Variants in NGLY1 observed in about 807,000 individuals in gnomAD.
NGLY1 encodes peptide-N(4)-(N-acetyl-beta-glucosaminyl)asparagine amidase.
In NGLY1, 68 loss-of-function variants were observed where a neutral mutation model predicts 84.6. The observed-to-expected ratio is 0.80, with a 90% CI of 0.66 to 0.98. The LOEUF is 0.98. NGLY1 is among the 50% of genes least tolerant of loss of function. The pLI is 0.00. For missense variants in NGLY1, 779 were observed against 770.2 expected, an observed-to-expected ratio of 1.01 and a Z score of -0.14; for synonymous variants, 280 against 275.2, an observed-to-expected ratio of 1.02 and a Z score of -0.17.
In NGLY1 at chr3:25,783,087, C is replaced by T. The variant is rs897061752; in HGVS notation, c.131+173G>A. 5.1e-6 allele frequency: 3 copies of T among 590,462 alleles called. No individual in the cohort carries two copies. Among genetic ancestry groups the T allele is most frequent in the Non-Finnish European group, 8.8e-6 (3 of 342,816 alleles). The allele number at this position is 590,462 out of a possible 1,614,324, so 36.6% of individuals were successfully genotyped here. A position where few individuals can be genotyped will look rare whatever the true frequency, so the allele number is the denominator to read the frequency against. On this transcript the variant is annotated intron_variant, in intron 1 of 11. Coordinates refer to ENST00000280700, the MANE Select transcript of NGLY1 (RefSeq NM_018297.4). The surrounding 1 kb of genome is among the most constrained non-coding windows in gnomAD (Gnocchi z 4.5). Reference sequence around the variant, plus strand: ...GCGGGGGTGGGACTTGGCCGGGTCCCGAGGCCCCTGGCCGGCGGGCTCGGA... The same window carrying T: ...GCGGGGGTGGGACTTGGCCGGGTCCTGAGGCCCCTGGCCGGCGGGCTCGGA...
In NGLY1 at chr3:25,719,646, G is replaced by GA. The variant is rs531889481; in HGVS notation, c.1790-12dup. 2,931 of 1,496,200 alleles carry GA rather than the reference G, an allele frequency of 2.0e-3. 2 individuals are homozygous for GA. The highest frequency in any genetic ancestry group is 6.5e-3 in the South Asian group (513 of 78,724). 92.7% of individuals were successfully genotyped at this position (1,496,200 alleles called of 1,614,324 possible). On this transcript the variant is annotated splice_polypyrimidine_tract_variant and intron_variant, in intron 11 of 11. Transcript: ENST00000280700. ...AGTGAAGACTGTTATCTGTTAGAGG[G>GA]AAAAAAAAAATTAACATTTTGCTTT...
In NGLY1 at chr3:25,760,720, C is replaced by A. The variant is rs533244547; in HGVS notation, c.492+3346G>T. ...ACTAAAAATACTAAAACTAGCCAGA[C>A]GTGGTGGCACATGCCTGTAATCCCA... On this transcript the variant is annotated intron_variant, in intron 3 of 11. Transcript: ENST00000280700. Among the ~76,000 whole-genome samples, 26 of 151,988 alleles carry A rather than the reference C, an allele frequency of 1.7e-4. No individual in the cohort carries two copies. In the East Asian group the frequency reaches 4.6e-3, roughly 27 times the overall value.
At chr3:25,722,472 C>T (rs555221617) in intron 10 of NGLY1, among the ~76,000 whole-genome samples, 1 of 152,172 alleles carries the variant, frequency 6.6e-6, no homozygotes, top group Non-Finnish European at 1.5e-5. Context: ...TTCTAATCAC[C>T]ATCTATTTGA....
chr3:25,754,958 G>A (rs1706961550), intron 3 of NGLY1: 8 of 743,672 alleles, frequency 1.1e-5, no homozygotes, highest in Non-Finnish European at 2.0e-5. Flanking sequence ...TCCCAAGAAC[G>A]CTCCTAGGGA....
chr3:25,786,341 C>T (rs374415935), upstream of NGLY1, among the ~76,000 whole-genome samples: 21 of 150,812 alleles, frequency 1.4e-4, no homozygotes, highest in African/African-American at 4.9e-4. Context: ...AAAAGAATAG[C>T]GCCATGATAT....
intron 10 of NGLY1, among the ~76,000 whole-genome samples, chr3:25,722,058 A>C (rs937423181): frequency 1.1e-4 from 16 of 151,818 alleles, no homozygotes; most frequent in African/African-American, 3.6e-4. Context: ...TCTCTACTAA[A>C]AATACCAAAA....
chr3:25,726,534 T>C (rs569795832), intron 10 of NGLY1, among the ~76,000 whole-genome samples: 1 of 152,080 alleles, frequency 6.6e-6, no homozygotes, highest in Non-Finnish European at 1.5e-5. Context: ...AAGAATAAAT[T>C]AATCAAAAAA....
At chr3:25,760,808 C>T (rs1214945014) in intron 3 of NGLY1, among the ~76,000 whole-genome samples, 1 of 117,108 alleles carries the variant, frequency 8.5e-6, no homozygotes. Context: ...TGCGGTGAGC[C>T]GAGATCACGC....
chr3:25,783,530 AGGGGCGGGGTCCTCGGCCGGCAGG>A, upstream of NGLY1: 1 of 367,684 alleles, frequency 2.7e-6, no homozygotes. The surrounding 1 kb of genome is among the most constrained non-coding windows in gnomAD (Gnocchi z 4.5). Flanking sequence ...CTCGGCCGGC[AGGGGCGGGGTCCTCGGCCGGCAGG>A]GGCGGGGTCC....
At position 25,741,858 on chromosome 3, in the gene NGLY1, G is replaced by A. The variant is rs187518543; in HGVS notation, c.659-2059C>T. On this transcript the variant is annotated intron_variant, in intron 4 of 11. Transcript: ENST00000280700. ...ATACAAAAGAAAAAAAAAATTAGCC[G>A]GGCGTGGTGGCAGGTACCTGTAATC... Among the ~76,000 whole-genome samples, 1,227 of 152,036 alleles carry A rather than the reference G, an allele frequency of 8.1e-3. 16 individuals are homozygous for A. The highest frequency in any genetic ancestry group is 0.028 in the African/African-American group (1,171 of 41,446).
chr3:25,733,539 T>G (rs1433847647), intron 8 of NGLY1, among the ~76,000 whole-genome samples: 1 of 151,186 alleles, frequency 6.6e-6, no homozygotes, highest in Non-Finnish European at 1.5e-5. Context: ...AATACATAAA[T>G]ATGAGTCTGT....
Position 25,783,417 on chromosome 3 carries a change from C to G in NGLY1, c.-27G>C. 6.6e-7 allele frequency: 1 copy of G among 1,519,592 alleles called. No individual in the cohort carries two copies. The highest frequency in any genetic ancestry group is 8.8e-7 in the Non-Finnish European group (1 of 1,134,958). 94.1% of individuals were successfully genotyped at this position (1,519,592 alleles called of 1,614,324 possible). A position where few individuals can be genotyped will look rare whatever the true frequency, so the allele number is the denominator to read the frequency against. On this transcript the variant is annotated 5_prime_UTR_variant, in exon 1 of 12. Coordinates refer to ENST00000280700, the MANE Select transcript of NGLY1 (RefSeq NM_018297.4). The surrounding 1 kb of genome is among the most constrained non-coding windows in gnomAD (Gnocchi z 4.5). Reference sequence around the variant, plus strand: ...CTTGAGCGCCAGCGGGCGCCGCCGCCGCCCCTCGCTCTCCGCGTCCCACAC... The same window carrying G: ...CTTGAGCGCCAGCGGGCGCCGCCGCGGCCCCTCGCTCTCCGCGTCCCACAC...
Position 25,783,151 on chromosome 3 carries a change from G to T in NGLY1, c.131+109C>A. On this transcript the variant is annotated intron_variant, in intron 1 of 11. Transcript: ENST00000280700. The surrounding 1 kb of genome is among the most constrained non-coding windows in gnomAD (Gnocchi z 4.5). ...ACCAGCTCCAGGTCCCGGTCTGTCC[G>T]GGCGTCGCTGCCCTCTGAAGCTCAG... The T allele has an allele frequency of 9.7e-7, 1 of 1,031,274 alleles. No homozygotes were observed. Among genetic ancestry groups the T allele is most frequent in the Non-Finnish European group, 1.4e-6 (1 of 698,762 alleles). 63.9% of individuals were successfully genotyped at this position (1,031,274 alleles called of 1,614,324 possible).
chr3:25,730,454 A>G (rs1705484770), intron 9 of NGLY1: 1 of 152,146 alleles, frequency 6.6e-6, no homozygotes, highest in Admixed American at 6.6e-5. Context: ...ATATTTTTAA[A>G]GTTAATCAAC....
chr3:25,768,112 CAAAAAAAAAA>C (rs1165791295), intron 2 of NGLY1, among the ~76,000 whole-genome samples: 1 of 49,162 alleles, frequency 2.0e-5, no homozygotes, highest in Non-Finnish European at 3.8e-5. Context: ...GACTCCATCT[CAAAAAAAAAA>C]AAAAAAAAAA....
chr3:25,735,796 C>G, intron 7 of NGLY1: 1 of 432,432 alleles, frequency 2.3e-6, no homozygotes, highest in South Asian at 4.7e-5. Flanking sequence ...AAATAGCCAT[C>G]AACAGGTGAA....
intron 9 of NGLY1, among the ~76,000 whole-genome samples, chr3:25,730,999 C>T (rs1705510725): frequency 6.6e-6 from 1 of 152,038 alleles, no homozygotes; most frequent in African/African-American, 2.4e-5. Context: ...AAGCCTAGCA[C>T]ACTGATTTTT....
At chr3:25,750,458 G>A (rs538522483) in intron 4 of NGLY1, among the ~76,000 whole-genome samples, 13 of 152,228 alleles carry the variant, frequency 8.5e-5, no homozygotes, top group East Asian at 1.9e-4. Flanking sequence ...AAATCACAGC[G>A]ACAAAGTAGA....
rs1708501619 is a variant in NGLY1 at position 25,783,213 on chromosome 3, C to T, written c.131+47G>A. On this transcript the variant is annotated intron_variant, in intron 1 of 11. Transcript: ENST00000280700. This position sits in a 1 kb window ranked among gnomAD's most constrained non-coding sequence, Gnocchi z 4.5. ...CAGTCCCTGGCCGAACAAGGTGCCG[C>T]GGCCCACCCACCCCGGTACCCGCCG... The T allele has an allele frequency of 6.4e-7, 1 of 1,552,270 alleles. No homozygotes were observed. Among genetic ancestry groups the T allele is most frequent in the Non-Finnish European group, 8.8e-7 (1 of 1,131,094 alleles).
Sources: gnomAD v4.1 joint callset for allele counts (sites outside exome capture counted in the v4.1 genomes callset) on GRCh38, gnomAD v4.1.1 for gene constraint, Gnocchi (gnomAD v3.1) non-coding constraint, MANE v1.5 for transcripts, NCBI Gene and HGNC (gene_info 2026-07-23, HGNC 2026-07-21) for gene names.